SDCCAG8: variants seen among roughly 807,000 people sequenced by gnomAD.
The protein encoded by SDCCAG8 is SHH signaling and ciliogenesis regulator SDCCAG8.
SDCCAG8 carries 74 observed loss-of-function variants against 101.8 expected under a neutral mutation model. The ratio of observed to expected loss-of-function variants is 0.73; its 90% CI spans 0.60 to 0.88. The LOEUF (loss-of-function observed/expected upper bound fraction) is 0.88, where lower values mean the gene tolerates loss of function less well. Among genes scored for constraint, SDCCAG8 ranks in the 40% least tolerant of loss-of-function variants. The probability of loss-of-function intolerance (pLI) is 0.00; values close to 1 mark genes in which losing one functional copy is unlikely to be tolerated. For synonymous variants in SDCCAG8, 281 were observed against 292.9 expected, an observed-to-expected ratio of 0.96 and a Z score of 0.41; for missense variants, 787 against 822.6, an observed-to-expected ratio of 0.96 and a Z score of 0.53.
At chr1:243,492,207 C>G (rs1020453062) in intron 17 of SDCCAG8, among the ~76,000 whole-genome samples, 1 of 151,188 alleles carries the variant, frequency 6.6e-6, no homozygotes, top group Non-Finnish European at 1.5e-5. Flanking sequence ...CTTTTGGCCA[C>G]GAGAACCCCC....
At chr1:243,364,946 C>T (rs529135685) in intron 12 of SDCCAG8, among the ~76,000 whole-genome samples, 195 of 152,092 alleles carry the variant, frequency 1.3e-3, no homozygotes, top group African/African-American at 4.6e-3. Context: ...AAGAGCAAAA[C>T]GAAAAAGTTC....
At chr1:243,268,342 T>C (rs2067801583) in intron 1 of SDCCAG8, among the ~76,000 whole-genome samples, 1 of 152,218 alleles carries the variant, frequency 6.6e-6, no homozygotes, top group Non-Finnish European at 1.5e-5. Flanking sequence ...ATCGCTTTTC[T>C]ATTCTATTTT....
At chr1:243,433,903 G>C (rs1175527812) in intron 16 of SDCCAG8, among the ~76,000 whole-genome samples, 1 of 152,188 alleles carries the variant, frequency 6.6e-6, no homozygotes, top group Non-Finnish European at 1.5e-5. Flanking sequence ...TACTGCGAAT[G>C]CTAATGCAAT....
intron 16 of SDCCAG8, among the ~76,000 whole-genome samples, chr1:243,472,643 C>T (rs189986427): frequency 2.6e-5 from 4 of 152,280 alleles, no homozygotes; most frequent in Admixed American, 6.5e-5. Context: ...AAAGGTACTT[C>T]GAGCAATGAA....
intron 9 of SDCCAG8, among the ~76,000 whole-genome samples, chr1:243,323,416 C>G (rs1485837416): frequency 6.6e-6 from 1 of 152,054 alleles, no homozygotes; most frequent in Non-Finnish European, 1.5e-5. Flanking sequence ...CCTTTCTTTT[C>G]TGGCCCTCTT....
chr1:243,349,615 C>A (rs1190429955), intron 12 of SDCCAG8, among the ~76,000 whole-genome samples: 1 of 152,140 alleles, frequency 6.6e-6, no homozygotes, highest in African/African-American at 2.4e-5. Context: ...TGCAGTATAA[C>A]AAATGTGCCA....
chr1:243,471,133 A>G (rs1160272775), intron 16 of SDCCAG8, among the ~76,000 whole-genome samples: 1 of 152,050 alleles, frequency 6.6e-6, no homozygotes, highest in East Asian at 1.9e-4. Context: ...TCTGCCAACC[A>G]TATGGCATCT....
At chr1:243,288,865 G>A (rs972961019) in intron 5 of SDCCAG8, among the ~76,000 whole-genome samples, 54 of 151,864 alleles carry the variant, frequency 3.6e-4, no homozygotes, top group African/African-American at 1.3e-3. Flanking sequence ...AAATTAGCCG[G>A]GCGTGGTGGT....
chr1:243,449,989 G>A, intron 16 of SDCCAG8, among the ~76,000 whole-genome samples: 1 of 152,146 alleles, frequency 6.6e-6, no homozygotes, highest in East Asian at 1.9e-4. Context: ...TTTCAGGGTG[G>A]GATTTTTGAG....
In SDCCAG8 at chr1:243,307,976, ACCCT is replaced by A. The variant is rs781189502; in HGVS notation, c.741-11_741-8del. 6.2e-7 allele frequency: 1 copy of A among 1,613,094 alleles called. No individual in the cohort carries two copies. Among genetic ancestry groups the A allele is most frequent in the Non-Finnish European group, 8.5e-7 (1 of 1,179,894 alleles). ...CCTGGCCATTTTCTAGAATTTTTTC[ACCCT>A]CTTTTTAGGAACGACTTAGCTGAAT... On this transcript the variant is annotated splice_polypyrimidine_tract_variant and intron_variant, in intron 7 of 17. Transcript: ENST00000366541.
rs1364309751 is a variant in SDCCAG8, at chr1:243,341,100, A to G, written c.1283A>G (p.Glu428Gly). The G allele has an allele frequency of 2.5e-6, 4 of 1,614,098 alleles. No homozygotes were observed. The highest frequency in any genetic ancestry group is 3.4e-6 in the Non-Finnish European group (4 of 1,179,916). ...GCCCAGGTGGAAAAGGTTACAAAGGAAAAGATTTCAGCTATTAATCAACTG... is the reference window on the plus strand; with the variant it reads ...GCCCAGGTGGAAAAGGTTACAAAGGGAAAGATTTCAGCTATTAATCAACTG... The part of the protein sequence containing the change: ...LEAQVEKVTK[E>G]KISAINQLEE... The change falls in exon 11 of 18, where the codon GAA becomes GGA. Residue 428 changes from glutamate to glycine, a missense_variant. Glu to Gly is a moderately conservative substitution (Grantham distance 98). Coordinates refer to ENST00000366541, the MANE Select transcript of SDCCAG8 (RefSeq NM_006642.5).
intron 13 of SDCCAG8, among the ~76,000 whole-genome samples, chr1:243,389,965 A>G (rs554931235): frequency 6.6e-6 from 1 of 152,246 alleles, no homozygotes; most frequent in East Asian, 1.9e-4. Flanking sequence ...CAGATTTTCT[A>G]TAAACATTGA....
intron 17 of SDCCAG8, among the ~76,000 whole-genome samples, chr1:243,491,086 C>T (rs778551050): frequency 6.6e-6 from 1 of 152,226 alleles, no homozygotes; most frequent in East Asian, 1.9e-4. Context: ...CTGGAGCACA[C>T]GGCAGCTTCC....
At position 243,334,086 on chromosome 1, in the gene SDCCAG8, G is replaced by A. The variant is rs74443011; in HGVS notation, c.1221+3394G>A. 3.6e-3 allele frequency among the ~76,000 whole-genome samples: 549 copies of A among 152,090 alleles called. 4 individuals carry two copies. The highest frequency in any genetic ancestry group is 0.012 in the African/African-American group (500 of 41,474). On this transcript the variant is annotated intron_variant, in intron 10 of 17. Transcript: ENST00000366541. ...AAATCTTGTCACCCTTTTCTCCCCCGTCTTTCTCACCCCACACATCTCATC... is the reference window on the plus strand; with the variant it reads ...AAATCTTGTCACCCTTTTCTCCCCCATCTTTCTCACCCCACACATCTCATC...
At chr1:243,447,268 A>AC (rs1287879360) in intron 16 of SDCCAG8, among the ~76,000 whole-genome samples, 1 of 150,824 alleles carries the variant, frequency 6.6e-6, no homozygotes, top group Non-Finnish European at 1.5e-5. Context: ...AAAAAAAAAA[A>AC]AAAAAAAACC....
At chr1:243,333,456 C>G (rs750254342) in intron 10 of SDCCAG8, among the ~76,000 whole-genome samples, 4 of 152,222 alleles carry the variant, frequency 2.6e-5, no homozygotes, top group Non-Finnish European at 4.4e-5. Context: ...TTGAAACTCA[C>G]CTAGGTGATT....
chr1:243,434,447 T>C (rs960043663), intron 16 of SDCCAG8, among the ~76,000 whole-genome samples: 3 of 152,210 alleles, frequency 2.0e-5, no homozygotes, highest in Admixed American at 1.3e-4. Context: ...TATGAAGAAA[T>C]GGTAAGAGAT....
chr1:243,485,361 G>C (rs564069732), intron 16 of SDCCAG8, among the ~76,000 whole-genome samples: 1 of 152,162 alleles, frequency 6.6e-6, no homozygotes, highest in Non-Finnish European at 1.5e-5. Flanking sequence ...TAATTGTGGC[G>C]CAGTGAGCCC....
intron 16 of SDCCAG8, among the ~76,000 whole-genome samples, chr1:243,427,384 A>G (rs944657070): frequency 1.6e-4 from 25 of 151,920 alleles, no homozygotes; most frequent in African/African-American, 5.6e-4. Flanking sequence ...TCCATGTGCC[A>G]TTTCTCACTT....
Sources: gnomAD v4.1 joint callset for allele counts (sites outside exome capture counted in the v4.1 genomes callset) on GRCh38, gnomAD v4.1.1 for gene constraint, MANE v1.5 for transcripts, NCBI Gene and HGNC (gene_info 2026-07-23, HGNC 2026-07-21) for gene names.